The following C1QTNF3 variants were observed in gnomAD, a reference collection of about 807,000 sequenced individuals.
The protein encoded by C1QTNF3 is complement C1q tumor necrosis factor-related protein 3.
C1QTNF3 carries 26 observed loss-of-function variants against 32.6 expected under a neutral mutation model. The observed-to-expected ratio is 0.80, with a 90% CI of 0.58 to 1.11. The LOEUF is 1.11. Ranked by LOEUF, C1QTNF3 falls within the 50% of genes least tolerant of loss-of-function variation. C1QTNF3 has a pLI of 0.00. For synonymous variants in C1QTNF3, 155 were observed against 146.0 expected (o/e 1.06, Z -0.44); for missense variants, 362 against 398.2 (o/e 0.91, Z 0.77).
intron 2 of C1QTNF3, among the ~76,000 whole-genome samples, chr5:34,034,219 G>A (rs374479549): frequency 9.2e-5 from 14 of 152,208 alleles, no homozygotes; most frequent in Admixed American, 5.2e-4. Flanking sequence ...ATCTTTGTTT[G>A]GAAAAATATG....
At chr5:34,177,357 G>C in the C1QTNF3 span, among the ~76,000 whole-genome samples, 22 of 152,226 alleles carry the variant, frequency 1.4e-4, no homozygotes, top group African/African-American at 4.8e-4. Flanking sequence ...CTGTCACCCA[G>C]GTGGGAGTAC....
At chr5:34,075,671 T>C in the C1QTNF3 span, among the ~76,000 whole-genome samples, 1 of 151,146 alleles carries the variant, frequency 6.6e-6, no homozygotes, top group Non-Finnish European at 1.5e-5. Context: ...TGTGAAAAAA[T>C]GGAATGGAAA....
chr5:34,122,755 G>A, the C1QTNF3 span, among the ~76,000 whole-genome samples: 1 of 151,376 alleles, frequency 6.6e-6, no homozygotes, highest in African/African-American at 2.4e-5. Context: ...CCACCTCAAT[G>A]GAAGGTAGGT....
chr5:34,060,267 A>T, the C1QTNF3 span, among the ~76,000 whole-genome samples: 1,405 of 152,318 alleles, frequency 9.2e-3, 14 homozygotes, highest in South Asian at 0.056. Flanking sequence ...ATTTTGTTGT[A>T]GTGCAAACAC....
the C1QTNF3 span, among the ~76,000 whole-genome samples, chr5:34,056,448 G>GTATATATA: frequency 7.0e-5 from 3 of 42,698 alleles, no homozygotes; most frequent in African/African-American, 1.7e-4. Context: ...GTGTGTGTGT[G>GTATATATA]TGTGTGTATA....
At chr5:34,171,806 A>C in the C1QTNF3 span, among the ~76,000 whole-genome samples, 1 of 152,182 alleles carries the variant, frequency 6.6e-6, no homozygotes, top group Non-Finnish European at 1.5e-5. Context: ...GAGCAGCCTA[A>C]TAGTTACATG....
chr5:34,023,880 T>G, intron 5 of C1QTNF3, 29 bp downstream of exon 5: 7 of 1,566,382 alleles, frequency 4.5e-6, no homozygotes, highest in South Asian at 2.2e-5. Flanking sequence ...GCAGCATGGA[T>G]GAGACCCATG....
the C1QTNF3 span, chr5:34,175,765 G>A: frequency 4.6e-6 from 3 of 656,892 alleles, no homozygotes; most frequent in East Asian, 2.6e-5. Flanking sequence ...GAATGGGCAA[G>A]GCAACCTGAA....
chr5:34,137,160 A>T, the C1QTNF3 span, among the ~76,000 whole-genome samples: 1 of 151,584 alleles, frequency 6.6e-6, no homozygotes, highest in Non-Finnish European at 1.5e-5. Flanking sequence ...AAAAAAAAAA[A>T]AAGTGACTTC....
chr5:34,037,232 A>G (rs299590), intron 1 of C1QTNF3, among the ~76,000 whole-genome samples: 71,073 of 151,984 alleles, frequency 0.47, 17,704 homozygotes, highest in East Asian at 0.59. Flanking sequence ...GTTCCTAGAC[A>G]TCAATTATAA....
At chr5:34,219,833 T>C in the C1QTNF3 span, 4 of 152,226 alleles carry the variant, frequency 2.6e-5, no homozygotes, top group East Asian at 7.7e-4. Context: ...AATTTTTAAA[T>C]GGCTACTGAA....
At chr5:34,154,668 A>C in the C1QTNF3 span, among the ~76,000 whole-genome samples, 2 of 152,142 alleles carry the variant, frequency 1.3e-5, no homozygotes, top group African/African-American at 4.8e-5. Context: ...TGCTTGGTAC[A>C]TTCTCATCTA....
chr5:34,169,894 ATAG>A, the C1QTNF3 span, among the ~76,000 whole-genome samples: 1 of 152,168 alleles, frequency 6.6e-6, no homozygotes, highest in African/African-American at 2.4e-5. Context: ...GCTAAAAATA[ATAG>A]AATTACCACG....
At chr5:34,077,946 T>C in the C1QTNF3 span, among the ~76,000 whole-genome samples, 3 of 151,680 alleles carry the variant, frequency 2.0e-5, no homozygotes, top group African/African-American at 4.9e-5. Context: ...AAGTGCAAAA[T>C]AGAGAGGACT....
At chr5:34,051,826 A>T in the C1QTNF3 span, among the ~76,000 whole-genome samples, 1 of 152,262 alleles carries the variant, frequency 6.6e-6, no homozygotes. Context: ...TCCTCAGCTT[A>T]GCCTTTGAAA....
chr5:34,135,323 A>C, the C1QTNF3 span, among the ~76,000 whole-genome samples: 2 of 152,198 alleles, frequency 1.3e-5, no homozygotes, highest in East Asian at 3.9e-4. Context: ...GTTTGCCAGT[A>C]TTTCATTAAG....
Position 34,023,902 on chromosome 5 carries a change from C to T in C1QTNF3, c.800+7G>A, listed in dbSNP as rs779942372. 1.2e-6 allele frequency: 2 copies of T among 1,611,950 alleles called. No homozygotes were observed. The highest frequency in any genetic ancestry group is 2.2e-5 in the South Asian group (2 of 90,976). ...GGATGAGACCCATGACAGAAAAGAC[C>T]ACCCACCTGTACATGCTGAAGACTG... On this transcript the variant is annotated splice_region_variant and intron_variant, in intron 5 of 5. Coordinates refer to ENST00000382065, the MANE Select transcript of C1QTNF3 (RefSeq NM_181435.6).
At chr5:34,167,964 C>A in the C1QTNF3 span, 24 of 151,964 alleles carry the variant, frequency 1.6e-4, no homozygotes, top group South Asian at 8.3e-4. Context: ...CAGATATTCC[C>A]ACATGTTCAA....
At chr5:34,051,466 T>A in the C1QTNF3 span, among the ~76,000 whole-genome samples, 1 of 152,232 alleles carries the variant, frequency 6.6e-6, no homozygotes, top group East Asian at 1.9e-4. Context: ...TCACACATAG[T>A]AAATACTCCA....
Sources: allele counts gnomAD v4.1 joint callset (sites outside exome capture counted in the v4.1 genomes callset), GRCh38; gene constraint gnomAD v4.1.1; transcripts MANE v1.5; gene names NCBI Gene and HGNC (gene_info 2026-07-23, HGNC 2026-07-21).